The following EFCAB14 variants were observed in gnomAD, a reference collection of about 807,000 sequenced individuals.
The protein encoded by EFCAB14 is EF-hand calcium binding domain 14, also known as EF-hand calcium-binding domain-containing protein 14.
Under a neutral mutation model 56.5 loss-of-function variants are expected in EFCAB14, and 43 were observed. The ratio of observed to expected loss-of-function variants is 0.76; its 90% CI spans 0.60 to 0.98. The LOEUF is 0.98. Among genes scored for constraint, EFCAB14 ranks in the 50% least tolerant of loss-of-function variants. EFCAB14 has a pLI of 0.00. For missense variants in EFCAB14, 538 were observed against 580.3 expected, an observed-to-expected ratio of 0.93 and a Z score of 0.75; for synonymous variants, 235 against 212.9, an observed-to-expected ratio of 1.10 and a Z score of -0.90.
At chr1:46,708,735 T>C (rs1018737742) in intron 2 of EFCAB14, among the ~76,000 whole-genome samples, 7 of 152,140 alleles carry the variant, frequency 4.6e-5, no homozygotes, top group Non-Finnish European at 1.0e-4. Flanking sequence ...CAAAATGAAA[T>C]AGAAGATAAA....
In EFCAB14 at chr1:46,707,950, C is replaced by G. The variant is rs781489232; in HGVS notation, c.436G>C (p.Gly146Arg). The change falls in exon 3 of 11, where the codon GGT becomes CGT. Residue 146 changes from glycine to arginine, a missense_variant. Transcript: ENST00000371933. ...QLEKIESGEM[G>R]LNKVWINITE... is the part of the protein sequence containing the mutation. Reference sequence around the variant, plus strand: ...ATGTTTATCCAGACTTTGTTCAAACCCATCTCTCCAGATTCAATCTTCTCA... The same window carrying G: ...ATGTTTATCCAGACTTTGTTCAAACGCATCTCTCCAGATTCAATCTTCTCA... 1 of 1,611,932 alleles carries G rather than the reference C, an allele frequency of 6.2e-7. No individual in the cohort carries two copies. The highest frequency in any genetic ancestry group is 8.5e-7 in the Non-Finnish European group (1 of 1,179,648).
chr1:46,688,851 G>T (rs1676931888), intron 6 of EFCAB14, among the ~76,000 whole-genome samples: 1 of 152,192 alleles, frequency 6.6e-6, no homozygotes, highest in Non-Finnish European at 1.5e-5. Flanking sequence ...CCTGCTGGAG[G>T]AAAGGCTTGC....
intron 1 of EFCAB14, among the ~76,000 whole-genome samples, chr1:46,716,793 C>G (rs1677402985): frequency 6.6e-6 from 1 of 152,196 alleles, no homozygotes; most frequent in Non-Finnish European, 1.5e-5. Flanking sequence ...CATCTCTGCA[C>G]TGGAATTTGC....
chr1:46,680,309 G>A (rs1257339962), intron 10 of EFCAB14, among the ~76,000 whole-genome samples: 2 of 152,130 alleles, frequency 1.3e-5, no homozygotes, highest in Admixed American at 6.5e-5. Context: ...GAGAACAATC[G>A]AAATGTCCAT....
rs774557073 is a variant in EFCAB14, at chr1:46,683,338, A to C, written c.1274T>G (p.Leu425Arg). 2 of 1,614,128 alleles carry C rather than the reference A, an allele frequency of 1.2e-6. No homozygotes were observed. The highest frequency in any genetic ancestry group is 3.3e-5 in the Admixed American group (2 of 60,024). ...AACTCCTGGTAGGGAGATAGGTCTT[A>C]GTTGGGCAGCTTTCTCAACTGGGTC... is the stretch of plus-strand genomic sequence containing the variant. ...LGDPVEKAAQ[L>R]RPISLPGVSS... is the part of the protein sequence containing the mutation. Residue 425 changes from leucine to arginine, a missense_variant, in exon 10 of 11, where the codon CTA (leucine) becomes CGA (arginine). Transcript: ENST00000371933.
chr1:46,687,957 T>C (rs1048969691), intron 7 of EFCAB14, among the ~76,000 whole-genome samples: 8 of 152,184 alleles, frequency 5.3e-5, no homozygotes, highest in Admixed American at 5.2e-4. Flanking sequence ...AAAAGATTTT[T>C]GGTTACTATC....
chr1:46,684,622 T>G lies in EFCAB14; in HGVS notation c.1075-20A>C. 1 of 1,598,830 alleles carries G rather than the reference T, an allele frequency of 6.3e-7. No individual in the cohort carries two copies. On this transcript the variant is annotated intron_variant, in intron 8 of 10. Coordinates refer to ENST00000371933, the MANE Select transcript of EFCAB14 (RefSeq NM_014774.3). Reference sequence around the variant, plus strand: ...TTCTTTCTGCACAAAACAAAGATTATAGAAGGTTTAAGGTGGTAGTAAGAC... The same window carrying G: ...TTCTTTCTGCACAAAACAAAGATTAGAGAAGGTTTAAGGTGGTAGTAAGAC...
chr1:46,683,341 T>G lies in EFCAB14; in HGVS notation c.1271A>C (p.Gln424Pro), dbSNP rs762049024. Residue 424 changes from glutamine (Q) to proline (P), a missense_variant, in exon 10 of 11, where the codon CAA becomes CCA. Coordinates refer to ENST00000371933, the MANE Select transcript of EFCAB14 (RefSeq NM_014774.3). ...FLGDPVEKAAQLRPISLPGVS... is the reference protein window; with the variant it reads ...FLGDPVEKAAPLRPISLPGVS... ...TCCTGGTAGGGAGATAGGTCTTAGT[T>G]GGGCAGCTTTCTCAACTGGGTCTCC... 1.2e-6 allele frequency: 2 copies of G among 1,613,988 alleles called. No individual in the cohort carries two copies. Among genetic ancestry groups the G allele is most frequent in the Admixed American group, 1.7e-5 (1 of 60,002 alleles).
In EFCAB14 at chr1:46,700,027, C is replaced by T. The variant is rs1311903138; in HGVS notation, c.481-3378G>A. On this transcript the variant is annotated intron_variant, in intron 3 of 10. Transcript: ENST00000371933. ...AGCCATGTGAGTGAGGAACCTCCAG[C>T]CCCAGTCAGACCTCCAGGTTATAAA... 5.3e-5 allele frequency among the ~76,000 whole-genome samples: 8 copies of T among 152,160 alleles called. No homozygotes were observed. The East Asian group carries it at 1.5e-3, about 29-fold the overall frequency.
rs1418595144 is a variant in EFCAB14, at chr1:46,699,944, C to CAAT, written c.481-3296_481-3295insATT. 3.3e-5 allele frequency among the ~76,000 whole-genome samples: 5 copies of CAAT among 152,300 alleles called. No individual in the cohort carries two copies. In the South Asian group the frequency reaches 1.0e-3, roughly 32 times the overall value. On this transcript the variant is annotated intron_variant, in intron 3 of 10. Coordinates refer to ENST00000371933, the MANE Select transcript of EFCAB14 (RefSeq NM_014774.3). ...AGGGAGCTGCCATGCTGTGAGGACACTCGAGTAGCCCCAGAATGACAAGTC... is the reference window on the plus strand; with the variant it reads ...AGGGAGCTGCCATGCTGTGAGGACACAATTCGAGTAGCCCCAGAATGACAAGTC...
chr1:46,690,276 A>C (rs1318817198), intron 5 of EFCAB14, among the ~76,000 whole-genome samples: 1 of 152,180 alleles, frequency 6.6e-6, no homozygotes, highest in East Asian at 1.9e-4. Context: ...CTGAAGTATA[A>C]CATGTTTATA....
At position 46,678,625 on chromosome 1, in the gene EFCAB14, A is replaced by C; in HGVS notation, c.1324T>G (p.Leu442Val). The change falls in exon 11 of 11, where the codon TTA becomes GTA. Residue 442 changes from leucine (L) to valine (V), a missense_variant. Leu to Val is a conservative substitution (Grantham distance 32). Coordinates refer to ENST00000371933, the MANE Select transcript of EFCAB14 (RefSeq NM_014774.3). ...GVSSTEDLQDLFRKTGQDVDG... is the reference protein window; with the variant it reads ...GVSSTEDLQDVFRKTGQDVDG... Reference sequence around the variant, plus strand: ...ACGTCCTGGCCAGTCTTGCGGAATAAATCCTGAAGATCTGTCAAAAATGAA... The same window carrying C: ...ACGTCCTGGCCAGTCTTGCGGAATACATCCTGAAGATCTGTCAAAAATGAA... 6.2e-7 allele frequency: 1 copy of C among 1,610,724 alleles called. No individual in the cohort carries two copies. The highest frequency in any genetic ancestry group is 8.5e-7 in the Non-Finnish European group (1 of 1,178,054).
chr1:46,713,466 T>C (rs1477328424), intron 2 of EFCAB14, among the ~76,000 whole-genome samples: 1 of 152,198 alleles, frequency 6.6e-6, no homozygotes, highest in Non-Finnish European at 1.5e-5. Flanking sequence ...GTTCAATAAA[T>C]ATTTGTTGAC....
chr1:46,692,789 AC>A (rs1372948201), intron 4 of EFCAB14, among the ~76,000 whole-genome samples: 1 of 152,254 alleles, frequency 6.6e-6, no homozygotes, highest in African/African-American at 2.4e-5. Context: ...TGTAGTGTAT[AC>A]TGAGATAATT....
chr1:46,715,576 G>A (rs1677374684), intron 2 of EFCAB14, among the ~76,000 whole-genome samples: 1 of 151,914 alleles, frequency 6.6e-6, no homozygotes, highest in Non-Finnish European at 1.5e-5. Context: ...TTTCTCAAAT[G>A]GCCCTGTGAG....
intron 3 of EFCAB14, among the ~76,000 whole-genome samples, chr1:46,701,403 A>G (rs1440487): frequency 0.8 from 122,226 of 152,104 alleles, 49,269 homozygotes; most frequent in East Asian, 0.91. Context: ...TCAATTATGT[A>G]GTTACCTTTC....
rs1389966195 is a variant in EFCAB14 at position 46,689,634 on chromosome 1, C to G, written c.748G>C (p.Ala250Pro). The change falls in exon 6 of 11, where the codon GCC becomes CCC. Residue 250 changes from alanine (A) to proline (P), a missense_variant. Ala to Pro is a conservative substitution (Grantham distance 27). Coordinates refer to ENST00000371933, the MANE Select transcript of EFCAB14 (RefSeq NM_014774.3). Reference protein sequence around the residue: ...GSNQIIPSPSATSELDNKTHS... With the variant: ...GSNQIIPSPSPTSELDNKTHS... ...GTTTTATTGTCAAGTTCTGATGTGG[C>G]TGAAGGTGACGGAATGATCTGGTTG... is the stretch of plus-strand genomic sequence containing the variant. 1 of 1,613,802 alleles carries G rather than the reference C, an allele frequency of 6.2e-7. No individual in the cohort carries two copies. Among genetic ancestry groups the G allele is most frequent in the African/African-American group, 1.3e-5 (1 of 74,896 alleles).
chr1:46,689,699 G>A lies in EFCAB14; in HGVS notation c.691-8C>T. 1.9e-6 allele frequency: 3 copies of A among 1,612,728 alleles called. No homozygotes were observed. Among genetic ancestry groups the A allele is most frequent in the Non-Finnish European group, 2.5e-6 (3 of 1,178,816 alleles). The stretch of plus-strand genomic sequence containing the variant: ...CTTCAAGAAGTGCTGATTCTGTTAA[G>A]AGGAAAGAAGTTTAGTGTAGGCAAC... On this transcript the variant is annotated splice_region_variant and splice_polypyrimidine_tract_variant and intron_variant, in intron 5 of 10. Coordinates refer to ENST00000371933, the MANE Select transcript of EFCAB14 (RefSeq NM_014774.3).
intron 1 of EFCAB14, among the ~76,000 whole-genome samples, chr1:46,717,212 G>A (rs951648582): frequency 2.9e-4 from 44 of 152,214 alleles, no homozygotes; most frequent in African/African-American, 1.1e-3. Flanking sequence ...TCAGCACCCC[G>A]ACCTTCTGCC....
Sources: gnomAD v4.1 joint callset for allele counts (sites outside exome capture counted in the v4.1 genomes callset) on GRCh38, gnomAD v4.1.1 for gene constraint, MANE v1.5 for transcripts, NCBI Gene and HGNC (gene_info 2026-07-23, HGNC 2026-07-21) for gene names.